The following STPG2 variants were observed in gnomAD, a reference collection of about 807,000 sequenced individuals.
STPG2 encodes the protein sperm-tail PG-rich repeat-containing protein 2.
In STPG2, 56 loss-of-function variants were observed where a neutral mutation model predicts 54.2. The ratio of observed to expected loss-of-function variants is 1.03; its 90% CI spans 0.83 to 1.29. The LOEUF is 1.29. Among genes scored for constraint, STPG2 ranks in the 50% most tolerant of loss-of-function variants. STPG2 has a pLI of 0.00. For synonymous variants in STPG2, 200 were observed against 181.8 expected (o/e 1.10, Z -0.81); for missense variants, 596 against 544.9 (o/e 1.09, Z -0.93).
intron 8 of STPG2, among the ~76,000 whole-genome samples, chr4:97,888,059 C>T (rs940519156): frequency 3.3e-5 from 5 of 152,192 alleles, no homozygotes; most frequent in Admixed American, 6.5e-5. Flanking sequence ...ATGGGCACCT[C>T]CACCTAGATT....
intron 10 of STPG2, among the ~76,000 whole-genome samples, chr4:97,702,434 T>C (rs1723806826): frequency 1.3e-5 from 2 of 152,192 alleles, no homozygotes; most frequent in Admixed American, 1.3e-4. Flanking sequence ...CACCTTCTCA[T>C]GGGTCAAACC....
chr4:97,988,651 G>T (rs1734899640), intron 5 of STPG2, among the ~76,000 whole-genome samples: 1 of 152,146 alleles, frequency 6.6e-6, no homozygotes, highest in Admixed American at 6.5e-5. Flanking sequence ...CTGTTACCCA[G>T]GCTGGAGTGC....
intron 8 of STPG2, among the ~76,000 whole-genome samples, chr4:97,930,745 T>C (rs1353329460): frequency 1.3e-5 from 2 of 151,234 alleles, no homozygotes; most frequent in Non-Finnish European, 3.0e-5. Flanking sequence ...AGAAATAGCA[T>C]TGAATCCACA....
rs142342055 is a variant in STPG2 at position 97,840,888 on chromosome 4, C to G, written c.1089G>C (p.Glu363Asp). The G allele has an allele frequency of 2.6e-5, 42 of 1,611,866 alleles. No individual in the cohort carries two copies. The highest frequency in any genetic ancestry group is 3.6e-5 in the Non-Finnish European group (42 of 1,178,582). The change falls in exon 9 of 11, where the codon GAG (glutamate) becomes GAC (aspartate). Residue 363 changes from glutamate (E) to aspartate (D), a missense_variant. Transcript: ENST00000295268. ...TATATTTATGCTTAACTTGGGACAT[C>G]TCATATGATTTGTGAACATCATAGC... ...PGSYDVHKSY[E>D]MSQVKHKYMP... is the part of the protein sequence containing the mutation.
intron 5 of STPG2, among the ~76,000 whole-genome samples, chr4:98,035,538 T>C (rs1188732433): frequency 1.3e-5 from 2 of 152,298 alleles, no homozygotes; most frequent in Non-Finnish European, 2.9e-5. Flanking sequence ...GACAGTATGG[T>C]GATTCCTCAA....
chr4:97,949,882 T>A (rs201195395), intron 7 of STPG2, among the ~76,000 whole-genome samples: 1 of 142,394 alleles, frequency 7.0e-6, no homozygotes, highest in Non-Finnish European at 1.5e-5. Flanking sequence ...TTTTTGTTTT[T>A]TGTTTTGTTT....
chr4:98,091,643 G>C (rs1191786798), intron 5 of STPG2, among the ~76,000 whole-genome samples: 1 of 151,922 alleles, frequency 6.6e-6, no homozygotes, highest in Non-Finnish European at 1.5e-5. Context: ...AAGAAGCTTT[G>C]CCCTATTCAT....
intron 3 of STPG2, 139 bp from the exon 4 acceptor site, chr4:98,109,444 G>A (rs1739283718): frequency 3.4e-6 from 2 of 587,474 alleles, no homozygotes. Flanking sequence ...ATGCTAAAGT[G>A]CTCTTGGATA....
chr4:98,013,205 T>A (rs1735813737), intron 5 of STPG2, among the ~76,000 whole-genome samples: 1 of 152,224 alleles, frequency 6.6e-6, no homozygotes, highest in Non-Finnish European at 1.5e-5. Flanking sequence ...TCTATTGAGA[T>A]AATCGTGTGG....
chr4:97,789,740 T>TA (rs1056893794), intron 9 of STPG2, among the ~76,000 whole-genome samples: 7 of 152,190 alleles, frequency 4.6e-5, no homozygotes, highest in African/African-American at 1.7e-4. Flanking sequence ...CATAATTCTC[T>TA]AATGTGTTTC....
intron 9 of STPG2, among the ~76,000 whole-genome samples, chr4:97,719,681 G>T (rs1724390227): frequency 6.6e-6 from 1 of 151,836 alleles, no homozygotes. Context: ...CCTGCCTACG[G>T]TAGAGCCTCT....
intron 8 of STPG2, among the ~76,000 whole-genome samples, chr4:97,863,559 G>A (rs190955943): frequency 5.7e-4 from 86 of 152,100 alleles, no homozygotes; most frequent in African/African-American, 2.0e-3. Context: ...AATTATTCCA[G>A]TCAATAGAAT....
At chr4:97,979,971 C>T (rs1190228857) in intron 6 of STPG2, among the ~76,000 whole-genome samples, 1 of 152,072 alleles carries the variant, frequency 6.6e-6, no homozygotes, top group Non-Finnish European at 1.5e-5. Context: ...GATCCACCCG[C>T]CTCAGCCTCC....
intron 4 of STPG2, among the ~76,000 whole-genome samples, chr4:97,530,882 T>A (rs1273674470): frequency 3.3e-5 from 5 of 152,172 alleles, no homozygotes; most frequent in Non-Finnish European, 7.3e-5. Flanking sequence ...ACAGCAAAGC[T>A]ATGCTGGACT....
chr4:98,106,172 G>A, intron 4 of STPG2, 108 bp from the exon 5 acceptor site: 3 of 785,748 alleles, frequency 3.8e-6, no homozygotes, highest in South Asian at 2.4e-5. Context: ...ATTAAACTAT[G>A]GAATAATAAG....
At chr4:97,655,914 C>A (rs1040415443) in intron 10 of STPG2, among the ~76,000 whole-genome samples, 13 of 152,124 alleles carry the variant, frequency 8.5e-5, no homozygotes, top group African/African-American at 3.1e-4. Flanking sequence ...ACCTTTTGTT[C>A]TAAATTATTA....
At chr4:97,565,892 C>T (rs1012146151) in intron 10 of STPG2, among the ~76,000 whole-genome samples, 3 of 152,166 alleles carry the variant, frequency 2.0e-5, no homozygotes, top group Non-Finnish European at 1.5e-5. Flanking sequence ...GGATCAGGGA[C>T]CCACTTGAGG....
intron 4 of STPG2, among the ~76,000 whole-genome samples, chr4:97,500,937 T>C (rs1015372724): frequency 6.6e-6 from 1 of 152,048 alleles, no homozygotes; most frequent in African/African-American, 2.4e-5. Flanking sequence ...GACAGGGGTA[T>C]GTAGCAATGA....
intron 8 of STPG2, among the ~76,000 whole-genome samples, chr4:97,885,879 G>A (rs1730548553): frequency 6.6e-6 from 1 of 151,746 alleles, no homozygotes; most frequent in Non-Finnish European, 1.5e-5. Flanking sequence ...AAAATACAAA[G>A]ATAAAAACTA....
Sources: gnomAD v4.1 joint callset for allele counts (sites outside exome capture counted in the v4.1 genomes callset) on GRCh38, gnomAD v4.1.1 for gene constraint, MANE v1.5 for transcripts, NCBI Gene and HGNC (gene_info 2026-07-23, HGNC 2026-07-21) for gene names.